CLK3: variants seen among roughly 807,000 people sequenced by gnomAD.
CLK3 encodes the protein dual specificity protein kinase CLK3.
In CLK3, 24 loss-of-function variants were observed where a neutral mutation model predicts 65.2. That is an observed-to-expected ratio of 0.37 (90% CI 0.27 to 0.52). CLK3 has a LOEUF of 0.52. Among genes scored for constraint, CLK3 ranks in the 20% least tolerant of loss-of-function variants. The probability of loss-of-function intolerance (pLI) is 0.92; values close to 1 mark genes in which losing one functional copy is unlikely to be tolerated. For synonymous variants in CLK3, 252 were observed against 240.8 expected (o/e 1.05, Z -0.43); for missense variants, 506 against 660.0 (o/e 0.77, Z 2.56).
chr15:74,618,287 A>G (rs74025818), intron 1 of CLK3, among the ~76,000 whole-genome samples: 47,161 of 152,150 alleles, frequency 0.31, 9,896 homozygotes, highest in African/African-American at 0.55. Flanking sequence ...CGCTGGTGGC[A>G]GATCCAGCCT....
Position 74,619,259 on chromosome 15 carries a change from G to C in CLK3, c.63G>C (p.Lys21Asn). The part of the protein sequence containing the change: ...EPDPYLSYRW[K>N]RRRSYSREHE... ...ACCCGTACCTGAGCTACCGATGGAA[G>C]AGGAGGAGGTCCTACAGTCGGGAAC... Residue 21 changes from lysine to asparagine, a missense_variant, in exon 2 of 13, where the codon AAG becomes AAC. By Grantham distance (94) the Lys-to-Asn change is moderately conservative (BLOSUM62 0). This residue lies in a region of CLK3 where 181 missense variants were observed against 159.4 expected (regional missense o/e 1.14). Coordinates refer to ENST00000395066, the MANE Select transcript of CLK3 (RefSeq NM_001130028.2). 6.2e-7 allele frequency: 1 copy of C among 1,614,190 alleles called. No individual in the cohort carries two copies. Among genetic ancestry groups the C allele is most frequent in the South Asian group, 1.1e-5 (1 of 91,090 alleles).
At chr15:74,619,450 C>T (rs2062084588) in intron 2 of CLK3, 102 bp downstream of exon 2, 16 of 1,308,370 alleles carry the variant, frequency 1.2e-5, no homozygotes, top group Non-Finnish European at 1.6e-5. Flanking sequence ...GCCCAGCTGT[C>T]CCTGGATCCC....
chr15:74,623,553 TA>T (rs2062120165), intron 5 of CLK3: 1 of 152,038 alleles, frequency 6.6e-6, no homozygotes. Flanking sequence ...AGTTCCTATG[TA>T]AATGCCTGTA....
At chr15:74,617,094 T>C (rs1488722908) in intron 1 of CLK3, among the ~76,000 whole-genome samples, 1 of 152,224 alleles carries the variant, frequency 6.6e-6, no homozygotes, top group Non-Finnish European at 1.5e-5. Context: ...GGAAGGATAC[T>C]CTTCTCTGTT....
chr15:74,623,298 C>G (rs538017778), intron 5 of CLK3, among the ~76,000 whole-genome samples: 2 of 152,230 alleles, frequency 1.3e-5, no homozygotes, highest in African/African-American at 4.8e-5. Flanking sequence ...TTTGGCACTT[C>G]AGCTACAAAG....
chr15:74,609,402 G>A (rs1025111935), intron 1 of CLK3, among the ~76,000 whole-genome samples: 1 of 152,210 alleles, frequency 6.6e-6, no homozygotes. Flanking sequence ...CTGTGTGGAC[G>A]CCCTGCTAGA....
chr15:74,615,707 G>A (rs1452440738), upstream of CLK3: 2 of 1,238,640 alleles, frequency 1.6e-6, no homozygotes. Flanking sequence ...CCGGAGCGGA[G>A]AGGGCTGGTG....
At position 74,627,435 on chromosome 15, in the gene CLK3, A is replaced by G. The variant is rs924564413; in HGVS notation, c.901A>G (p.Asn301Asp). The G allele has an allele frequency of 1.2e-6, 2 of 1,614,120 alleles. No individual in the cohort carries two copies. Among genetic ancestry groups the G allele is most frequent in the Non-Finnish European group, 1.7e-6 (2 of 1,179,962 alleles). ...GAATTCTGAGTTTGAAACCCTCTAC[A>G]ATGAGCACAAGGTATTGGTGGGGGT... ...FVNSEFETLY[N>D]EHKSCEEKSV... Residue 301 changes from asparagine to aspartate, a missense_variant, in exon 8 of 13, where the codon AAT becomes GAT. Transcript: ENST00000395066. This position sits in a 1 kb window ranked among gnomAD's most constrained non-coding sequence, Gnocchi z 4.3.
rs1950847756 is a variant in CLK3 at position 74,622,286 on chromosome 15, C to A, written c.466+70C>A. On this transcript the variant is annotated intron_variant, in intron 4 of 12. Coordinates refer to ENST00000395066, the MANE Select transcript of CLK3 (RefSeq NM_001130028.2). The surrounding 1 kb of genome is among the most constrained non-coding windows in gnomAD (Gnocchi z 4.6). ...CCCTTGTTAGACGAGACCTCTCCTG[C>A]CTGGAGGGGCCTCTAGTGCGCGTGG... is the stretch of plus-strand genomic sequence containing the variant. 2 of 1,432,430 alleles carry A rather than the reference C, an allele frequency of 1.4e-6. No individual in the cohort carries two copies. The highest frequency in any genetic ancestry group is 1.8e-4 in the Middle Eastern group (1 of 5,686). 88.7% of individuals were successfully genotyped at this position (1,432,430 alleles called of 1,614,324 possible).
chr15:74,613,458 G>A (rs1486312866), upstream of CLK3: 1 of 152,274 alleles, frequency 6.6e-6, no homozygotes, highest in Non-Finnish European at 1.5e-5. Flanking sequence ...AGGTGTGAAA[G>A]TCACAAAAGA....
chr15:74,610,014 G>A (rs2061967841), intron 1 of CLK3, among the ~76,000 whole-genome samples: 1 of 152,254 alleles, frequency 6.6e-6, no homozygotes, highest in Admixed American at 6.5e-5. Context: ...GCTGGACTAA[G>A]CCCCTGCGCT....
chr15:74,622,713 T>C lies in CLK3; in HGVS notation c.533+153T>C, dbSNP rs1248720844. 2.6e-5 allele frequency among the ~76,000 whole-genome samples: 4 copies of C among 152,030 alleles called. No individual in the cohort carries two copies. Among genetic ancestry groups the C allele is most frequent in the Non-Finnish European group, 5.9e-5 (4 of 68,012 alleles). ...GGGTTCCGACCTGTCCATGTTGGGG[T>C]TTTGCTGACCCCCTGTAATAAGGGA... On this transcript the variant is annotated intron_variant, in intron 5 of 12. Coordinates refer to ENST00000395066, the MANE Select transcript of CLK3 (RefSeq NM_001130028.2). The surrounding 1 kb of genome is among the most constrained non-coding windows in gnomAD (Gnocchi z 4.6).
At chr15:74,615,273 C>G (rs902332541), upstream of CLK3, 7 of 487,006 alleles carry the variant, frequency 1.4e-5, no homozygotes, top group African/African-American at 2.0e-5. Context: ...GGTATCTTCC[C>G]AGAAACTGCC....
Position 74,615,842 on chromosome 15 carries a change from G to T in CLK3, c.-57G>T. On this transcript the variant is annotated 5_prime_UTR_variant, in exon 1 of 13. Transcript: ENST00000395066. ...ACGGGCGGAGGTCGCAGCCGGAAGC[G>T]GAAGAGGCGCTCGGAGCGGGGAGTG... is the stretch of plus-strand genomic sequence containing the variant. The T allele has an allele frequency of 8.0e-7, 1 of 1,250,892 alleles. No homozygotes were observed. The highest frequency in any genetic ancestry group is 1.0e-6 in the Non-Finnish European group (1 of 997,486). 77.5% of individuals were successfully genotyped at this position (1,250,892 alleles called of 1,614,324 possible). A position where few individuals can be genotyped will look rare whatever the true frequency, so the allele number is the denominator to read the frequency against.
In CLK3 at chr15:74,629,963, C is replaced by T. The variant is rs190512019; in HGVS notation, c.*80C>T. On this transcript the variant is annotated 3_prime_UTR_variant, in exon 13 of 13. Transcript: ENST00000395066. ...CTTGACTCCAGCCTCGACCGCCAGG[C>T]CCCAGGCCAGAGCCACCCAATGAAC... 1.9e-5 allele frequency: 26 copies of T among 1,403,754 alleles called. No homozygotes were observed. Among genetic ancestry groups the T allele is most frequent in the Middle Eastern group, 2.4e-4 (1 of 4,218 alleles). 87.0% of individuals were successfully genotyped at this position (1,403,754 alleles called of 1,614,324 possible). A position where few individuals can be genotyped will look rare whatever the true frequency, so the allele number is the denominator to read the frequency against.
At position 74,615,941 on chromosome 15, in the gene CLK3, C is replaced by G. The variant is rs866818800; in HGVS notation, c.-1+43C>G. On this transcript the variant is annotated intron_variant, in intron 1 of 12. Coordinates refer to ENST00000395066, the MANE Select transcript of CLK3 (RefSeq NM_001130028.2). ...TCCGCGGCGGCGACAGCGGCGGCGG[C>G]GGCCGGGGGTGAGTCGGCGGGGCAG... The G allele has an allele frequency of 1.6e-5, 20 of 1,224,134 alleles. 1 individual carries two copies. In the South Asian group the frequency reaches 6.9e-4, roughly 42 times the overall value. The allele number at this position is 1,224,134 out of a possible 1,614,324, so 75.8% of individuals were successfully genotyped here.
chr15:74,626,841 C>T (rs1228746679), intron 7 of CLK3: 1 of 386,060 alleles, frequency 2.6e-6, no homozygotes, highest in Non-Finnish European at 5.2e-6. Context: ...CTGCTTATGA[C>T]TAGCAATGAG....
At position 74,628,317 on chromosome 15, in the gene CLK3, G is replaced by T. The variant is rs1318805603; in HGVS notation, c.1125+265G>T. ...AGGTGACCTGACCTTCTAGATAAGG[G>T]GCACAGATGACTAAAGGCATCGGGA... On this transcript the variant is annotated intron_variant, in intron 10 of 12. Coordinates refer to ENST00000395066, the MANE Select transcript of CLK3 (RefSeq NM_001130028.2). 6.6e-5 allele frequency among the ~76,000 whole-genome samples: 10 copies of T among 152,252 alleles called. No homozygotes were observed. The East Asian group carries it at 1.9e-3, about 29-fold the overall frequency.
At chr15:74,614,879 A>G (rs1394939677), upstream of CLK3, 2 of 152,196 alleles carry the variant, frequency 1.3e-5, no homozygotes, top group South Asian at 4.1e-4. Flanking sequence ...CGTGGGGACA[A>G]TTAGGCGCCA....
Sources: gnomAD v4.1 joint callset for allele counts (sites outside exome capture counted in the v4.1 genomes callset) on GRCh38, gnomAD v4.1.1 for gene constraint, gnomAD v4.1.1 regional missense constraint, Gnocchi (gnomAD v3.1) non-coding constraint, MANE v1.5 for transcripts, NCBI Gene and HGNC (gene_info 2026-07-23, HGNC 2026-07-21) for gene names.